PALLD: variants seen among roughly 807,000 people sequenced by gnomAD.
PALLD encodes palladin, cytoskeletal associated protein, also known as palladin.
Under a neutral mutation model 123.5 loss-of-function variants are expected in PALLD, and 61 were observed. The ratio of observed to expected loss-of-function variants is 0.49; its 90% CI spans 0.40 to 0.61. PALLD has a LOEUF of 0.61. PALLD is among the 20% of genes least tolerant of loss of function. The probability of loss-of-function intolerance (pLI) is 0.00; values close to 1 mark genes in which losing one functional copy is unlikely to be tolerated. For missense variants in PALLD, 1,273 were observed against 1,377.0 expected (o/e 0.92, Z 1.20); for synonymous variants, 465 against 496.4 (o/e 0.94, Z 0.84).
chr4:168,856,814 A>G (rs2151007463), intron 10 of PALLD, among the ~76,000 whole-genome samples: 1 of 152,346 alleles, frequency 6.6e-6, no homozygotes, highest in Middle Eastern at 3.4e-3. Flanking sequence ...TTCCTAAACC[A>G]GTTAAGAAGT....
At chr4:168,882,227 C>T (rs1752704821) in intron 10 of PALLD, among the ~76,000 whole-genome samples, 1 of 152,168 alleles carries the variant, frequency 6.6e-6, no homozygotes, top group African/African-American at 2.4e-5. Flanking sequence ...CTCTCTTTCT[C>T]CCTCATAGGA....
chr4:168,880,109 T>A (rs1752406118), intron 10 of PALLD, among the ~76,000 whole-genome samples: 1 of 152,210 alleles, frequency 6.6e-6, no homozygotes, highest in African/African-American at 2.4e-5. Flanking sequence ...ATTGTGCCAT[T>A]TATCATTTGT....
rs60824764 is a variant in PALLD, at chr4:168,504,593, CA to C, written c.-82-6814del. 2.6e-3 allele frequency among the ~76,000 whole-genome samples: 350 copies of C among 136,516 alleles called. 2 individuals carry two copies. The highest frequency in any genetic ancestry group is 4.6e-3 in the African/African-American group (166 of 36,008). The allele number at this position is 136,516 out of a possible 152,430, so 89.6% of individuals were successfully genotyped here. A position where few individuals can be genotyped will look rare whatever the true frequency, so the allele number is the denominator to read the frequency against. ...TGGGCGACAAAGCAAGACTCCAACTCAAAAAAAAAAAAAAAATGGCTGTGGC... is the reference window on the plus strand; with the variant it reads ...TGGGCGACAAAGCAAGACTCCAACTCAAAAAAAAAAAAAAATGGCTGTGGC... On this transcript the variant is annotated intron_variant, in intron 1 of 21. Transcript: ENST00000505667.
intron 2 of PALLD, among the ~76,000 whole-genome samples, chr4:168,665,507 G>A (rs1296883593): frequency 6.6e-6 from 1 of 152,190 alleles, no homozygotes; most frequent in African/African-American, 2.4e-5. Context: ...AGCTTGCAGT[G>A]AGCTGAGATC....
At chr4:168,748,008 T>C (rs1005324661) in intron 10 of PALLD, among the ~76,000 whole-genome samples, 3 of 152,230 alleles carry the variant, frequency 2.0e-5, no homozygotes, top group Non-Finnish European at 4.4e-5. Flanking sequence ...TCTGAATTTA[T>C]TTGTAATTAT....
intron 2 of PALLD, among the ~76,000 whole-genome samples, chr4:168,615,523 G>C (rs891219468): frequency 6.6e-6 from 1 of 152,118 alleles, no homozygotes; most frequent in African/African-American, 2.4e-5. Context: ...ATTTCAACGG[G>C]GCACAAAGAG....
At chr4:168,542,717 C>T (rs1208278040) in intron 2 of PALLD, among the ~76,000 whole-genome samples, 2 of 88,946 alleles carry the variant, frequency 2.2e-5, no homozygotes, top group East Asian at 2.5e-4. Context: ...CTAACCTTTC[C>T]ATATATATAT....
intron 16 of PALLD, among the ~76,000 whole-genome samples, chr4:168,914,670 A>T (rs1465108023): frequency 6.6e-6 from 1 of 152,226 alleles, no homozygotes; most frequent in Admixed American, 6.5e-5. Flanking sequence ...AAATTCAGTA[A>T]GTCAACCATC....
intron 2 of PALLD, among the ~76,000 whole-genome samples, chr4:168,601,343 C>G (rs755659022): frequency 1.6e-4 from 24 of 152,106 alleles, no homozygotes; most frequent in Non-Finnish European, 3.4e-4. Flanking sequence ...GTCCAGAAGA[C>G]CTCAAGGCAT....
At chr4:168,620,359 G>A (rs1774641557) in intron 2 of PALLD, among the ~76,000 whole-genome samples, 1 of 152,174 alleles carries the variant, frequency 6.6e-6, no homozygotes, top group Non-Finnish European at 1.5e-5. Context: ...GGAGGCTGAG[G>A]CAGGAGAATC....
At chr4:168,704,636 G>A (rs910232507) in intron 8 of PALLD, among the ~76,000 whole-genome samples, 2 of 134,608 alleles carry the variant, frequency 1.5e-5, no homozygotes, top group Admixed American at 1.7e-4. Context: ...TGCACCTCCA[G>A]CCTGGGCGAC....
intron 2 of PALLD, among the ~76,000 whole-genome samples, chr4:168,609,617 C>T (rs1483652919): frequency 6.6e-6 from 1 of 152,122 alleles, no homozygotes; most frequent in Non-Finnish European, 1.5e-5. Flanking sequence ...GGGCAGAGCA[C>T]AAGAGGTGCT....
intron 11 of PALLD, among the ~76,000 whole-genome samples, chr4:168,891,324 G>C (rs1305276134): frequency 2.0e-5 from 3 of 152,054 alleles, no homozygotes; most frequent in Non-Finnish European, 1.5e-5. Context: ...CACCATGCCT[G>C]GCTAATTTTT....
chr4:168,686,652 G>C, intron 6 of PALLD: 1 of 152,318 alleles, frequency 6.6e-6, no homozygotes. Context: ...TCCTTGTGCA[G>C]AGGTCATGCT....
intron 11 of PALLD, among the ~76,000 whole-genome samples, chr4:168,891,451 G>T (rs1391589663): frequency 6.6e-6 from 1 of 152,170 alleles, no homozygotes; most frequent in Non-Finnish European, 1.5e-5. Flanking sequence ...GTGAGCCACT[G>T]CACACAGCCA....
chr4:168,807,966 AAT>A (rs1740476133), intron 10 of PALLD, among the ~76,000 whole-genome samples: 3 of 150,992 alleles, frequency 2.0e-5, no homozygotes, highest in Non-Finnish European at 4.4e-5. Flanking sequence ...TCAGCTTCCC[AAT>A]GTGCTGGGAT....
intron 2 of PALLD, among the ~76,000 whole-genome samples, chr4:168,538,045 C>G (rs1194079728): frequency 6.6e-6 from 1 of 152,182 alleles, no homozygotes; most frequent in Non-Finnish European, 1.5e-5. Context: ...TGTTTTAACA[C>G]ACAAGAGTGG....
At chr4:168,862,546 G>C (rs902231895) in intron 10 of PALLD, among the ~76,000 whole-genome samples, 1 of 152,178 alleles carries the variant, frequency 6.6e-6, no homozygotes, top group African/African-American at 2.4e-5. Flanking sequence ...TGGGCAAAAA[G>C]ACTATGTTGT....
rs781525568 is a variant in PALLD, at chr4:168,878,069, C to A, written c.1965-12853C>A. ...GTCGCCCATGTCCCCGACGCCGAGG[C>A]AGTTCGGCCGCGCCCCCGTGCCGCC... On this transcript the variant is annotated intron_variant, in intron 10 of 21. Transcript: ENST00000505667. 6.8e-7 allele frequency: 1 copy of A among 1,467,046 alleles called. No individual in the cohort carries two copies. 90.9% of individuals were successfully genotyped at this position (1,467,046 alleles called of 1,614,324 possible). A position where few individuals can be genotyped will look rare whatever the true frequency, so the allele number is the denominator to read the frequency against.
Sources: gnomAD v4.1 joint callset for allele counts (sites outside exome capture counted in the v4.1 genomes callset) on GRCh38, gnomAD v4.1.1 for gene constraint, MANE v1.5 for transcripts, NCBI Gene and HGNC (gene_info 2026-07-23, HGNC 2026-07-21) for gene names.